The following CELF4 variants were observed in gnomAD, a reference collection of about 807,000 sequenced individuals.
CELF4 encodes the protein CUG-BP- and ETR-3-like factor 4.
In CELF4, 18 loss-of-function variants were observed where a neutral mutation model predicts 59.9. That is an observed-to-expected ratio of 0.30 (90% CI 0.21 to 0.45). The LOEUF is 0.45. CELF4 is among the 20% of genes least tolerant of loss of function. The probability of loss-of-function intolerance (pLI) is 1.00; values close to 1 mark genes in which losing one functional copy is unlikely to be tolerated. For synonymous variants in CELF4, 261 were observed against 267.1 expected, an observed-to-expected ratio of 0.98 and a Z score of 0.22; for missense variants, 456 against 689.0, an observed-to-expected ratio of 0.66 and a Z score of 3.79.
At chr18:37,470,751 G>T (rs557100294) in intron 2 of CELF4, among the ~76,000 whole-genome samples, 1 of 152,134 alleles carries the variant, frequency 6.6e-6, no homozygotes, top group Non-Finnish European at 1.5e-5. Context: ...AGCACACAGG[G>T]TTTCTGAAGC....
At chr18:37,402,821 C>A (rs2099346523) in intron 2 of CELF4, among the ~76,000 whole-genome samples, 1 of 152,206 alleles carries the variant, frequency 6.6e-6, no homozygotes, top group African/African-American at 2.4e-5. Context: ...TGTGCCCTTC[C>A]ACAGCCTAAC....
chr18:37,428,455 A>C (rs917746933), intron 2 of CELF4, among the ~76,000 whole-genome samples: 11 of 152,056 alleles, frequency 7.2e-5, no homozygotes, highest in Non-Finnish European at 1.2e-4. Flanking sequence ...AGGTTTTTCT[A>C]TGGGAGTGCA....
chr18:37,492,896 A>G (rs2099910936), intron 1 of CELF4, among the ~76,000 whole-genome samples: 1 of 152,134 alleles, frequency 6.6e-6, no homozygotes, highest in East Asian at 1.9e-4. Flanking sequence ...ACAGGCGGGA[A>G]AAAGACCCCA....
At chr18:37,280,002 C>T (rs753994936) in intron 3 of CELF4, among the ~76,000 whole-genome samples, 1 of 152,222 alleles carries the variant, frequency 6.6e-6, no homozygotes, top group Non-Finnish European at 1.5e-5. Context: ...ATCTGGGGTT[C>T]TGTGGAACAG....
At chr18:37,380,178 G>C (rs1449241767) in intron 2 of CELF4, among the ~76,000 whole-genome samples, 1 of 152,132 alleles carries the variant, frequency 6.6e-6, no homozygotes, top group Non-Finnish European at 1.5e-5. Context: ...GCAGAGAGAA[G>C]TTCACCTGCT....
chr18:37,350,814 G>A (rs978176897), intron 2 of CELF4, among the ~76,000 whole-genome samples: 2 of 152,224 alleles, frequency 1.3e-5, no homozygotes, highest in Non-Finnish European at 2.9e-5. Flanking sequence ...GGGATCCCCA[G>A]TTCCAGGGCT....
intron 2 of CELF4, among the ~76,000 whole-genome samples, chr18:37,388,972 G>C (rs946553262): frequency 6.6e-6 from 1 of 152,166 alleles, no homozygotes; most frequent in African/African-American, 2.4e-5. Context: ...GAGGCTTCCA[G>C]TGAAGGCTCT....
intron 4 of CELF4, 98 bp from the exon 5 acceptor site, chr18:37,274,982 C>A: frequency 6.5e-7 from 1 of 1,540,790 alleles, no homozygotes; most frequent in Non-Finnish European, 8.8e-7. Flanking sequence ...ACGGGTGAGG[C>A]AGAGATTGAG....
At chr18:37,393,595 G>T (rs1368840753) in intron 2 of CELF4, among the ~76,000 whole-genome samples, 1 of 152,190 alleles carries the variant, frequency 6.6e-6, no homozygotes, top group Non-Finnish European at 1.5e-5. Context: ...CATCCCCCGA[G>T]GGGACCAAGT....
intron 3 of CELF4, among the ~76,000 whole-genome samples, chr18:37,297,080 G>T (rs1258753821): frequency 1.3e-5 from 2 of 152,138 alleles, no homozygotes; most frequent in South Asian, 2.1e-4. Flanking sequence ...GAGATTGAAG[G>T]CCAGGCTAGG....
At chr18:37,441,916 C>T (rs1000754707) in intron 2 of CELF4, among the ~76,000 whole-genome samples, 2 of 151,896 alleles carry the variant, frequency 1.3e-5, no homozygotes, top group East Asian at 1.9e-4. Context: ...CTAGATGACA[C>T]GGTGCGTCAC....
At chr18:37,314,338 C>T (rs2096784066) in intron 3 of CELF4, among the ~76,000 whole-genome samples, 1 of 152,118 alleles carries the variant, frequency 6.6e-6, no homozygotes, top group South Asian at 2.1e-4. Context: ...ACCTGTAATC[C>T]CAGCTACTCT....
chr18:37,481,568 C>A (rs1290769884), intron 2 of CELF4, among the ~76,000 whole-genome samples: 1 of 152,192 alleles, frequency 6.6e-6, no homozygotes, highest in Non-Finnish European at 1.5e-5. Context: ...AGACTTCTTT[C>A]AAGAGGCTTC....
intron 2 of CELF4, among the ~76,000 whole-genome samples, chr18:37,452,210 C>G (rs2099766000): frequency 6.6e-6 from 1 of 152,210 alleles, no homozygotes; most frequent in South Asian, 2.1e-4. Flanking sequence ...ATAATAGCAG[C>G]AGGAGTAATA....
intron 2 of CELF4, among the ~76,000 whole-genome samples, chr18:37,405,496 A>G (rs992642078): frequency 1.3e-5 from 2 of 152,282 alleles, no homozygotes; most frequent in African/African-American, 4.8e-5. Context: ...CCCGGGATGC[A>G]GGAGACTGAG....
intron 2 of CELF4, among the ~76,000 whole-genome samples, chr18:37,350,377 G>A (rs552361536): frequency 3.0e-4 from 45 of 152,124 alleles, no homozygotes; most frequent in Non-Finnish European, 4.9e-4. Flanking sequence ...TAGACCACGC[G>A]CGCTCCTCTT....
chr18:37,343,085 G>A (rs184551271), intron 2 of CELF4, among the ~76,000 whole-genome samples: 103 of 152,336 alleles, frequency 6.8e-4, no homozygotes, highest in Non-Finnish European at 9.6e-4. Context: ...GGTGAGAATC[G>A]CTGGTGTGCT....
At chr18:37,366,829 C>T (rs190294790) in intron 2 of CELF4, among the ~76,000 whole-genome samples, 4 of 152,310 alleles carry the variant, frequency 2.6e-5, no homozygotes, top group Admixed American at 6.5e-5. Context: ...CCAGAGCCTC[C>T]CTGTCTGGGT....
chr18:37,255,951 G>A (rs920729849), intron 11 of CELF4, among the ~76,000 whole-genome samples: 1 of 152,336 alleles, frequency 6.6e-6, no homozygotes, highest in Non-Finnish European at 1.5e-5. Flanking sequence ...CTTCCTGGAA[G>A]AGTTTAGAGG....
Sources: gnomAD v4.1 joint callset for allele counts (sites outside exome capture counted in the v4.1 genomes callset) on GRCh38, gnomAD v4.1.1 for gene constraint, MANE v1.5 for transcripts, NCBI Gene and HGNC (gene_info 2026-07-23, HGNC 2026-07-21) for gene names.